MTFMT: variants seen among roughly 807,000 people sequenced by gnomAD.
MTFMT encodes the protein methionyl-tRNA formyltransferase, mitochondrial.
A neutral mutation model predicts 51.8 loss-of-function variants in MTFMT; 47 were observed. The ratio of observed to expected loss-of-function variants is 0.91; its 90% CI spans 0.72 to 1.16. The LOEUF (loss-of-function observed/expected upper bound fraction) is 1.16. Among genes scored for constraint, MTFMT ranks in the 50% most tolerant of loss-of-function variants. The pLI is 0.00. For missense variants in MTFMT, 512 were observed against 482.3 expected (o/e 1.06, Z -0.58); for synonymous variants, 196 against 176.7 (o/e 1.11, Z -0.87).
chr15:65,026,693 A>T (rs1401481861), intron 2 of MTFMT, 138 bp downstream of exon 2: 4 of 741,258 alleles, frequency 5.4e-6, no homozygotes, highest in Non-Finnish European at 8.6e-6. Flanking sequence ...GCAAACATGT[A>T]CAGAAAAATA....
At chr15:65,028,581 G>T (rs1037130121) in intron 1 of MTFMT, among the ~76,000 whole-genome samples, 1 of 152,122 alleles carries the variant, frequency 6.6e-6, no homozygotes, top group Non-Finnish European at 1.5e-5. Flanking sequence ...ATTGACGAAG[G>T]ATTCAATACA....
Position 65,003,011 on chromosome 15 carries a change from T to C in MTFMT, c.*51A>G, listed in dbSNP as rs142950216. ...TCCAGATAATTCCTTGTAAATAAGG[T>C]TTTTAATAAATTACAAATATGTAAT... On this transcript the variant is annotated 3_prime_UTR_variant, in exon 9 of 9. Coordinates refer to ENST00000220058, the MANE Select transcript of MTFMT (RefSeq NM_139242.4). 4,258 of 1,085,462 alleles carry C rather than the reference T, an allele frequency of 3.9e-3. 13 individuals are homozygous for C. Among genetic ancestry groups the C allele is most frequent in the Non-Finnish European group, 4.8e-3 (3,886 of 812,996 alleles). The allele number at this position is 1,085,462 out of a possible 1,614,324, so 67.2% of individuals were successfully genotyped here. A position where few individuals can be genotyped will look rare whatever the true frequency, so the allele number is the denominator to read the frequency against.
chr15:65,023,580 T>G, intron 3 of MTFMT, 92 bp downstream of exon 3: 1 of 1,244,692 alleles, frequency 8.0e-7, no homozygotes, highest in Non-Finnish European at 1.2e-6. Flanking sequence ...CAGAAATTAG[T>G]GAGCACCACC....
At chr15:65,023,130 TG>T (rs1310200499) in intron 3 of MTFMT, among the ~76,000 whole-genome samples, 1 of 152,158 alleles carries the variant, frequency 6.6e-6, no homozygotes, top group East Asian at 1.9e-4. Context: ...GGAAATTAGG[TG>T]GTAACAGGCA....
At chr15:65,016,023 AT>A (rs1157717492) in intron 6 of MTFMT, 1 of 153,072 alleles carries the variant, frequency 6.5e-6, no homozygotes, top group African/African-American at 2.4e-5. Context: ...GAAATCAATG[AT>A]TTAACAATTT....
rs2086189421 is a variant in MTFMT, at chr15:65,003,070, T to C, written c.1162A>G (p.Ile388Val). The change falls in exon 9 of 9, where the codon ATT becomes GTT. Residue 388 changes from isoleucine (I) to valine (V), a missense_variant. Transcript: ENST00000220058. ...QKKTVAMQQC[I>V]E ...ATCCATCTTCTTCCTAACTACTCAA[T>C]GCATTGTTGCATAGCAACAGTTTTT... is the stretch of plus-strand genomic sequence containing the variant. 8.2e-6 allele frequency: 13 copies of C among 1,585,190 alleles called. No homozygotes were observed. In the East Asian group the frequency reaches 2.5e-4, roughly 30 times the overall value.
intron 2 of MTFMT, among the ~76,000 whole-genome samples, chr15:65,024,400 C>T (rs1220993381): frequency 3.9e-5 from 6 of 152,194 alleles, no homozygotes; most frequent in Admixed American, 3.9e-4. Flanking sequence ...TATAAGAGAA[C>T]CACTCAAACC....
rs1308203133 is a variant in MTFMT at position 65,020,193 on chromosome 15, T to C, written c.721+4A>G. ...AGATGAGAGTCTCTGCAGCCTTCAC[T>C]CACCGTAAGTCGCCCCCTCCATTGG... On this transcript the variant is annotated splice_donor_region_variant and intron_variant, in intron 5 of 8. Coordinates refer to ENST00000220058, the MANE Select transcript of MTFMT (RefSeq NM_139242.4). 1 of 1,610,918 alleles carries C rather than the reference T, an allele frequency of 6.2e-7. No individual in the cohort carries two copies. The highest frequency in any genetic ancestry group is 1.1e-5 in the South Asian group (1 of 90,550).
intron 7 of MTFMT, 142 bp downstream of exon 7, chr15:65,005,971 A>C (rs933390555): frequency 1.4e-5 from 8 of 554,784 alleles, no homozygotes; most frequent in Non-Finnish European, 2.6e-5. Flanking sequence ...TAAGACAATA[A>C]GTGAATGTAA....
At chr15:65,025,030 C>CTAAT (rs68056407) in intron 2 of MTFMT, among the ~76,000 whole-genome samples, 1 of 4,926 alleles carries the variant, frequency 2.0e-4, no homozygotes. Flanking sequence ...TAGGCCTGGC[C>CTAAT]TTTTATTGAG....
chr15:65,015,654 T>C (rs1333359752), intron 6 of MTFMT, among the ~76,000 whole-genome samples: 1 of 152,088 alleles, frequency 6.6e-6, no homozygotes, highest in African/African-American at 2.4e-5. Context: ...CTGGGCAACA[T>C]GGCAAAACCT....
intron 5 of MTFMT, among the ~76,000 whole-genome samples, chr15:65,019,922 A>C (rs1470388977): frequency 6.6e-6 from 1 of 152,132 alleles, no homozygotes; most frequent in Non-Finnish European, 1.5e-5. Flanking sequence ...AAACATTAAT[A>C]ATTGTTGACT....
Position 65,004,848 on chromosome 15 carries a change from A to G in MTFMT, c.975+6T>C. 1 of 1,571,146 alleles carries G rather than the reference A, an allele frequency of 6.4e-7. No homozygotes were observed. The highest frequency in any genetic ancestry group is 1.1e-5 in the South Asian group (1 of 87,110). Reference sequence around the variant, plus strand: ...TATGATAACTTGAAACTAATGAAAAACATACCTTGCAATAAACCAATAGTA... The same window carrying G: ...TATGATAACTTGAAACTAATGAAAAGCATACCTTGCAATAAACCAATAGTA... On this transcript the variant is annotated splice_donor_region_variant and intron_variant, in intron 8 of 8. Transcript: ENST00000220058.
At chr15:65,015,457 C>T in intron 6 of MTFMT, among the ~76,000 whole-genome samples, 1 of 152,160 alleles carries the variant, frequency 6.6e-6, no homozygotes, top group Non-Finnish European at 1.5e-5. Context: ...CTGTGATCCT[C>T]CTTACTGAAG....
At chr15:65,021,752 G>T in intron 3 of MTFMT, 136 bp from the exon 4 acceptor site, 1 of 555,744 alleles carries the variant, frequency 1.8e-6, no homozygotes, top group Non-Finnish European at 3.0e-6. Flanking sequence ...GGCTGAGGCA[G>T]CAGGATTGCT....
Position 65,006,258 on chromosome 15 carries a change from T to C in MTFMT, c.814-67A>G, listed in dbSNP as rs1595887913. 2.4e-6 allele frequency: 3 copies of C among 1,254,692 alleles called. No homozygotes were observed. The East Asian group carries it at 7.2e-5, about 30-fold the overall frequency. 77.7% of individuals were successfully genotyped at this position (1,254,692 alleles called of 1,614,324 possible). ...CAACTCCCAAACCCTTTTCAACTAC[T>C]ATTTTGTGTTAATCTGGACTTTTCT... On this transcript the variant is annotated intron_variant, in intron 6 of 8. Coordinates refer to ENST00000220058, the MANE Select transcript of MTFMT (RefSeq NM_139242.4).
chr15:65,015,559 AG>A (rs2086313094), intron 6 of MTFMT, among the ~76,000 whole-genome samples: 1 of 152,168 alleles, frequency 6.6e-6, no homozygotes, highest in Non-Finnish European at 1.5e-5. Context: ...ACACTTGGCC[AG>A]GCACAGTGGC....
In MTFMT at chr15:65,029,343, G is replaced by A. The variant is rs192230422; in HGVS notation, c.209+62C>T. 2.6e-3 allele frequency: 3,532 copies of A among 1,348,552 alleles called. 57 individuals are homozygous for A. In the African/African-American group the frequency reaches 0.045, roughly 17 times the overall value. 83.5% of individuals were successfully genotyped at this position (1,348,552 alleles called of 1,614,324 possible). ...CAGAAGTCCAAAACCCTCGGGGCCG[G>A]CCGCCCGGGCGCGGCCTGGAGGCCT... On this transcript the variant is annotated intron_variant, in intron 1 of 8. Coordinates refer to ENST00000220058, the MANE Select transcript of MTFMT (RefSeq NM_139242.4).
intron 2 of MTFMT, 84 bp downstream of exon 2, chr15:65,026,747 G>T: frequency 9.4e-7 from 1 of 1,064,356 alleles, no homozygotes; most frequent in Non-Finnish European, 1.4e-6. Flanking sequence ...AAAGCATAGA[G>T]TTCAAATTAT....
Sources: gnomAD v4.1 joint callset for allele counts (sites outside exome capture counted in the v4.1 genomes callset) on GRCh38, gnomAD v4.1.1 for gene constraint, MANE v1.5 for transcripts, NCBI Gene and HGNC (gene_info 2026-07-23, HGNC 2026-07-21) for gene names.